Variants in ZDHHC1 observed in about 807,000 individuals in gnomAD.
ZDHHC1 encodes the protein zDHHC palmitoyltransferase 1.
A neutral mutation model predicts 46.9 loss-of-function variants in ZDHHC1; 45 were observed. That is an observed-to-expected ratio of 0.96 (90% CI 0.76 to 1.23). The LOEUF is 1.23. Among genes scored for constraint, ZDHHC1 ranks in the 50% most tolerant of loss-of-function variants. The pLI is 0.00. For missense variants in ZDHHC1, 649 were observed against 670.8 expected (o/e 0.97, Z 0.36); for synonymous variants, 291 against 286.0 (o/e 1.02, Z -0.18).
intron 3 of ZDHHC1, among the ~76,000 whole-genome samples, chr16:67,405,349 C>T (rs886145096): frequency 6.6e-6 from 1 of 152,258 alleles, no homozygotes; most frequent in Admixed American, 6.5e-5. Context: ...CGGTCCCGTG[C>T]AGCTCTGAAG....
At chr16:67,395,128 T>C (rs1441410637) in intron 10 of ZDHHC1, 59 bp downstream of exon 10, 4 of 1,612,962 alleles carry the variant, frequency 2.5e-6, no homozygotes, top group Non-Finnish European at 3.4e-6. Flanking sequence ...AGCGCCAGGG[T>C]AGAGGCTTCT....
In ZDHHC1 at chr16:67,401,323, G is replaced by C. The variant is rs567185836; in HGVS notation, c.253-191C>G. 2.0e-5 allele frequency among the ~76,000 whole-genome samples: 3 copies of C among 152,310 alleles called. No individual in the cohort carries two copies. The highest frequency in any genetic ancestry group is 4.4e-5 in the Non-Finnish European group (3 of 68,012). On this transcript the variant is annotated intron_variant, in intron 3 of 11. Coordinates refer to ENST00000565726, the MANE Select transcript of ZDHHC1 (RefSeq NM_001323627.2). The surrounding 1 kb of genome is among the most constrained non-coding windows in gnomAD (Gnocchi z 4.6). The stretch of plus-strand genomic sequence containing the variant: ...CCAGGTAACCCCTATGCCCCAAATG[G>C]AAAGAGGGAGAGGCCATCTAGGAAA...
rs1200064045 is a variant in ZDHHC1 at position 67,414,170 on chromosome 16, C to G, written c.-39+2001G>C. On this transcript the variant is annotated intron_variant, in intron 1 of 11. Transcript: ENST00000565726. ...GAGAGGCCAAGGTTATTGACTTTAA[C>G]CAGGAAATCAACTCATGACTGCAGG... Among the ~76,000 whole-genome samples the G allele has an allele frequency of 6.6e-5, 10 of 152,082 alleles. 1 individual carries two copies. In the East Asian group the frequency reaches 1.9e-3, roughly 29 times the overall value.
chr16:67,400,907 C>T (rs1401667965), intron 4 of ZDHHC1, 50 bp downstream of exon 4: 1 of 1,592,100 alleles, frequency 6.3e-7, no homozygotes, highest in Non-Finnish European at 8.6e-7. Context: ...CCCTCTCCAC[C>T]ATACACCCCA....
At chr16:67,412,870 G>C (rs1210977011) in intron 1 of ZDHHC1, among the ~76,000 whole-genome samples, 4 of 150,608 alleles carry the variant, frequency 2.7e-5, no homozygotes, top group Non-Finnish European at 5.9e-5. Flanking sequence ...GTGCGATCTT[G>C]GCTCACTGCA....
intron 8 of ZDHHC1, among the ~76,000 whole-genome samples, chr16:67,397,842 G>A (rs192739026): frequency 6.6e-6 from 1 of 152,332 alleles, no homozygotes; most frequent in East Asian, 1.9e-4. Context: ...GGGTATAAGC[G>A]CTCAAGGTCA....
At position 67,394,881 on chromosome 16, in the gene ZDHHC1, G is replaced by A. The variant is rs569259198; in HGVS notation, c.1178C>T (p.Pro393Leu). The change falls in exon 12 of 12, where the codon CCC (proline) becomes CTC (leucine). Residue 393 changes from proline (P) to leucine (L), a missense_variant. By Grantham distance (98) the Pro-to-Leu change is moderately conservative (BLOSUM62 -3). Coordinates refer to ENST00000565726, the MANE Select transcript of ZDHHC1 (RefSeq NM_001323627.2). ...TSDPASGPRA[P>L]SRRSSSSTDS... Reference sequence around the variant, plus strand: ...CGTCGACGAGCTGGAGCGGCGGCTGGGGGCCCTAGGCCCTGCGCAAGGGAA... The same window carrying A: ...CGTCGACGAGCTGGAGCGGCGGCTGAGGGCCCTAGGCCCTGCGCAAGGGAA... 2 of 1,563,448 alleles carry A rather than the reference G, an allele frequency of 1.3e-6. No homozygotes were observed. The highest frequency in any genetic ancestry group is 2.3e-5 in the South Asian group (2 of 85,788).
intron 1 of ZDHHC1, among the ~76,000 whole-genome samples, chr16:67,411,311 C>A (rs1190327587): frequency 6.6e-6 from 1 of 152,190 alleles, no homozygotes; most frequent in African/African-American, 2.4e-5. Context: ...GAGGAGAAAG[C>A]GACGGGGTTG....
At chr16:67,398,013 G>C (rs1487865433) in intron 8 of ZDHHC1, among the ~76,000 whole-genome samples, 199 bp downstream of exon 8, 1 of 152,164 alleles carries the variant, frequency 6.6e-6, no homozygotes, top group Non-Finnish European at 1.5e-5. Context: ...TGTGTACGTG[G>C]GGTCCGGGAA....
chr16:67,416,436 C>A lies in ZDHHC1; in HGVS notation c.-304G>T. The A allele has an allele frequency of 5.2e-6, 1 of 191,600 alleles. No homozygotes were observed. The highest frequency in any genetic ancestry group is 1.1e-5 in the Non-Finnish European group (1 of 92,540). The allele number at this position is 191,600 out of a possible 1,614,324, so 11.9% of individuals were successfully genotyped here. A position where few individuals can be genotyped will look rare whatever the true frequency, so the allele number is the denominator to read the frequency against. On this transcript the variant is annotated 5_prime_UTR_variant, in exon 1 of 12. Coordinates refer to ENST00000565726, the MANE Select transcript of ZDHHC1 (RefSeq NM_001323627.2). ...CTCCGGCTCCAGCAGGCTGGAGGGG[C>A]GGCCAGGCCAGACCCAGACTGGCTG...
chr16:67,400,251 G>A (rs1465113633), intron 4 of ZDHHC1, among the ~76,000 whole-genome samples: 5 of 152,358 alleles, frequency 3.3e-5, no homozygotes, highest in Middle Eastern at 3.4e-3. Context: ...CCTGGTGGGG[G>A]CTGGCCTTGG....
At chr16:67,404,531 G>A in intron 3 of ZDHHC1, 1 of 362,728 alleles carries the variant, frequency 2.8e-6, no homozygotes, top group Non-Finnish European at 5.5e-6. Flanking sequence ...ATATAGGCTG[G>A]TCAGGCATGA....
intron 3 of ZDHHC1, among the ~76,000 whole-genome samples, chr16:67,402,426 T>C (rs1444983620): frequency 6.6e-6 from 1 of 152,118 alleles, no homozygotes; most frequent in African/African-American, 2.4e-5. Context: ...CCAGCTACTG[T>C]GCTCACCATG....
chr16:67,411,523 T>C (rs1220790359), intron 1 of ZDHHC1, among the ~76,000 whole-genome samples: 1 of 152,212 alleles, frequency 6.6e-6, no homozygotes, highest in Non-Finnish European at 1.5e-5. Flanking sequence ...TGAAGCAATT[T>C]GGCAATATCC....
chr16:67,403,696 G>GC (rs986987293), intron 3 of ZDHHC1, among the ~76,000 whole-genome samples: 1 of 151,592 alleles, frequency 6.6e-6, no homozygotes, highest in African/African-American at 2.4e-5. Context: ...TGCAGCCTCC[G>GC]CCCCCCGACC....
intron 5 of ZDHHC1, 147 bp from the exon 6 acceptor site, chr16:67,399,091 G>A (rs551424949): frequency 7.3e-5 from 89 of 1,225,110 alleles, no homozygotes; most frequent in Admixed American, 2.0e-4. Context: ...AAAGGCATAC[G>A]GCAAAACTGA....
At chr16:67,399,686 T>C (rs1597536621) in intron 4 of ZDHHC1, among the ~76,000 whole-genome samples, 3 of 151,606 alleles carry the variant, frequency 2.0e-5, no homozygotes, top group Admixed American at 6.6e-5. Flanking sequence ...GCAGGAGGGG[T>C]AAGGAGGTGC....
At chr16:67,400,290 C>T (rs563528701) in intron 4 of ZDHHC1, among the ~76,000 whole-genome samples, 13 of 152,340 alleles carry the variant, frequency 8.5e-5, no homozygotes, top group African/African-American at 2.9e-4. Context: ...ATCCCCCACC[C>T]GAGACCTGGA....
At position 67,410,637 on chromosome 16, in the gene ZDHHC1, CTTAA is replaced by C. The variant is rs1214991835; in HGVS notation, c.-38-2828_-38-2825del. 1.1e-4 allele frequency among the ~76,000 whole-genome samples: 16 copies of C among 145,780 alleles called. 1 individual carries two copies. In the East Asian group the frequency reaches 1.9e-3, roughly 18 times the overall value. ...TGTTTTCAATATAAGGTTAGGCTACCTTAATTAATTATTATTATTATTATTATTA... is the reference window on the plus strand; with the variant it reads ...TGTTTTCAATATAAGGTTAGGCTACCTTAATTATTATTATTATTATTATTA... On this transcript the variant is annotated intron_variant, in intron 1 of 11. Transcript: ENST00000565726.
Sources: gnomAD v4.1 joint callset for allele counts (sites outside exome capture counted in the v4.1 genomes callset) on GRCh38, gnomAD v4.1.1 for gene constraint, Gnocchi (gnomAD v3.1) non-coding constraint, MANE v1.5 for transcripts, NCBI Gene and HGNC (gene_info 2026-07-23, HGNC 2026-07-21) for gene names.